The following HECTD4 variants were observed in gnomAD, a reference collection of about 807,000 sequenced individuals.
HECTD4 encodes HECT domain E3 ubiquitin protein ligase 4.
HECTD4 carries 114 observed loss-of-function variants against 471.5 expected under a neutral mutation model. That is an observed-to-expected ratio of 0.24 (90% confidence interval 0.21 to 0.28). The LOEUF is 0.28. HECTD4 is among the 10% of genes least tolerant of loss of function. The pLI, the probability that HECTD4 is intolerant of heterozygous loss-of-function variation, is 1.00. For missense variants in HECTD4, 3,866 were observed against 5,651.5 expected, an observed-to-expected ratio of 0.68 and a Z score of 10.13; for synonymous variants, 2,012 against 2,256.0, an observed-to-expected ratio of 0.89 and a Z score of 3.07.
intron 4 of HECTD4, among the ~76,000 whole-genome samples, chr12:112,310,447 T>C (rs562060230): frequency 6.6e-6 from 1 of 152,310 alleles, no homozygotes; most frequent in Non-Finnish European, 1.5e-5. Flanking sequence ...TGATGGTAAT[T>C]GGTTTAGTAA....
chr12:112,229,660 G>A (rs2033326210), intron 41 of HECTD4, 38 bp downstream of exon 41: 1 of 1,563,978 alleles, frequency 6.4e-7, no homozygotes, highest in African/African-American at 1.4e-5. Flanking sequence ...TTATATATAT[G>A]GGGGAAGCAA....
intron 55 of HECTD4, among the ~76,000 whole-genome samples, chr12:112,199,874 G>A (rs1204329355): frequency 1.3e-5 from 2 of 152,150 alleles, no homozygotes; most frequent in South Asian, 2.1e-4. Context: ...CTTCCAATCC[G>A]TGGAATGTGA....
chr12:112,343,831 TC>T (rs1288566214), intron 1 of HECTD4, among the ~76,000 whole-genome samples: 2 of 151,984 alleles, frequency 1.3e-5, no homozygotes, highest in East Asian at 3.9e-4. Context: ...AAGGGCTAAA[TC>T]ACCTGTGAGG....
chr12:112,219,077 A>C (rs978841900), intron 45 of HECTD4, among the ~76,000 whole-genome samples: 2 of 151,884 alleles, frequency 1.3e-5, no homozygotes, highest in African/African-American at 4.8e-5. Context: ...CTGTTATGAA[A>C]CTGACTGTAT....
At chr12:112,301,048 C>T (rs1393033182) in intron 7 of HECTD4, among the ~76,000 whole-genome samples, 1 of 150,604 alleles carries the variant, frequency 6.6e-6, no homozygotes, top group Non-Finnish European at 1.5e-5. Context: ...CCATGCCCGG[C>T]TAATTTTTTT....
intron 1 of HECTD4, among the ~76,000 whole-genome samples, chr12:112,325,359 G>A (rs577597854): frequency 6.6e-6 from 1 of 152,164 alleles, no homozygotes; most frequent in Non-Finnish European, 1.5e-5. Context: ...TATGCTTTCA[G>A]AAATCCATTA....
At chr12:112,168,334 C>T (rs1184271373) in intron 70 of HECTD4, among the ~76,000 whole-genome samples, 1 of 152,248 alleles carries the variant, frequency 6.6e-6, no homozygotes, top group African/African-American at 2.4e-5. Context: ...CCACCTGTTT[C>T]ACTCAGCACT....
At position 112,306,103 on chromosome 12, in the gene HECTD4, C is replaced by G. The variant is rs377631901; in HGVS notation, c.1296G>C (p.Pro432=). ...TGTCCATGAAGACAGAATGTCCCTT[C>G]GGTGTTTTCTCATTCAGGCTGGCAG... ...WSPASLNEKT[P]KGHSVFMDIF... Residue 432 remains proline (P), a synonymous_variant, in exon 7 of 76, where the codon CCG becomes CCC. Coordinates refer to ENST00000682272, the MANE Select transcript of HECTD4 (RefSeq NM_001388303.1). 34 of 1,611,982 alleles carry G rather than the reference C, an allele frequency of 2.1e-5. 1 individual carries two copies. In the South Asian group the frequency reaches 3.5e-4, roughly 17 times the overall value.
At position 112,319,121 on chromosome 12, in the gene HECTD4, G is replaced by A. The variant is rs1490621483; in HGVS notation, c.695+104C>T. On this transcript the variant is annotated intron_variant, in intron 2 of 75. Coordinates refer to ENST00000682272, the MANE Select transcript of HECTD4 (RefSeq NM_001388303.1). The surrounding 1 kb of genome is among the most constrained non-coding windows in gnomAD (Gnocchi z 5.3). ...ATACTGAAAGCAAAGAAGGACTTCT[G>A]AATGTTAAGACTTCTATCAAATATA... 5.2e-6 allele frequency: 6 copies of A among 1,160,258 alleles called. No individual in the cohort carries two copies. In the Admixed American group the frequency reaches 1.3e-4, roughly 25 times the overall value. The allele number at this position is 1,160,258 out of a possible 1,614,324, so 71.9% of individuals were successfully genotyped here.
intron 5 of HECTD4, 50 bp from the exon 6 acceptor site, chr12:112,308,941 C>A: frequency 4.0e-6 from 6 of 1,513,746 alleles, no homozygotes; most frequent in Non-Finnish European, 5.3e-6. Context: ...ATGTCAGAAA[C>A]CCCACACAAG....
In HECTD4 at chr12:112,255,286, G is replaced by A. The variant is rs886896892; in HGVS notation, c.3327+1034C>T. ...GCCAATGCCAGGAGCTATGAATTACGGTGGACTGATGCTAGGAGAGATATG... is the reference window on the plus strand; with the variant it reads ...GCCAATGCCAGGAGCTATGAATTACAGTGGACTGATGCTAGGAGAGATATG... On this transcript the variant is annotated intron_variant, in intron 21 of 75. Transcript: ENST00000682272. Among the ~76,000 whole-genome samples the A allele has an allele frequency of 3.9e-5, 6 of 152,122 alleles. No homozygotes were observed. The East Asian group carries it at 9.6e-4, about 24-fold the overall frequency.
chr12:112,380,803 A>G (rs1202109170), intron 1 of HECTD4, among the ~76,000 whole-genome samples: 3 of 152,206 alleles, frequency 2.0e-5, no homozygotes, highest in African/African-American at 7.2e-5. Flanking sequence ...GTCTCGGCCA[A>G]TGTGATCCGA....
intron 1 of HECTD4, among the ~76,000 whole-genome samples, chr12:112,365,307 G>A (rs1454008782): frequency 3.9e-5 from 6 of 152,104 alleles, no homozygotes; most frequent in African/African-American, 1.4e-4. Context: ...CTAGCTGCTG[G>A]GGAGGCTGAG....
chr12:112,276,294 G>C (rs939268553), intron 9 of HECTD4, among the ~76,000 whole-genome samples: 1 of 151,948 alleles, frequency 6.6e-6, no homozygotes. Context: ...TAATTAAATG[G>C]GGTCAATTTC....
chr12:112,246,453 G>A (rs929345722), intron 29 of HECTD4, among the ~76,000 whole-genome samples: 1 of 152,046 alleles, frequency 6.6e-6, no homozygotes, highest in Non-Finnish European at 1.5e-5. Context: ...AGCCAACATA[G>A]TGAAACCCCG....
At chr12:112,196,647 G>C (rs1371909626) in intron 55 of HECTD4, among the ~76,000 whole-genome samples, 1 of 152,276 alleles carries the variant, frequency 6.6e-6, no homozygotes, top group East Asian at 1.9e-4. Context: ...CTGAAGTGCA[G>C]TGGCGTGATC....
At chr12:112,216,583 T>A (rs900512506) in intron 47 of HECTD4, among the ~76,000 whole-genome samples, 190 bp downstream of exon 47, 2 of 152,188 alleles carry the variant, frequency 1.3e-5, no homozygotes, top group Admixed American at 1.3e-4. Flanking sequence ...AACAGATTTT[T>A]AAAAAATTAC....
intron 8 of HECTD4, among the ~76,000 whole-genome samples, chr12:112,280,918 G>A (rs951965404): frequency 7.3e-5 from 11 of 151,224 alleles, no homozygotes; most frequent in African/African-American, 2.7e-4. Context: ...CCCCTCCCGA[G>A]TAGCTGAGAC....
intron 45 of HECTD4, among the ~76,000 whole-genome samples, chr12:112,217,978 A>C (rs1378622929): frequency 2.0e-5 from 3 of 152,022 alleles, no homozygotes; most frequent in African/African-American, 7.2e-5. Flanking sequence ...AACTTTTAAA[A>C]AATTTATTAT....
Sources: gnomAD v4.1 joint callset for allele counts (sites outside exome capture counted in the v4.1 genomes callset) on GRCh38, gnomAD v4.1.1 for gene constraint, Gnocchi (gnomAD v3.1) non-coding constraint, MANE v1.5 for transcripts, NCBI Gene and HGNC (gene_info 2026-07-23, HGNC 2026-07-21) for gene names.